GSAP: variants seen among roughly 807,000 people sequenced by gnomAD.
The protein encoded by GSAP is gamma-secretase-activating protein.
GSAP carries 118 observed loss-of-function variants against 131.7 expected under a neutral mutation model. The observed-to-expected ratio is 0.90, with a 90% CI of 0.77 to 1.04. The LOEUF (loss-of-function observed/expected upper bound fraction) is 1.04, where lower values mean the gene tolerates loss of function less well. Ranked by LOEUF, GSAP falls within the 50% of genes least tolerant of loss-of-function variation. GSAP has a pLI of 0.00. For synonymous variants in GSAP, 381 were observed against 363.4 expected (o/e 1.05, Z -0.55); for missense variants, 1,019 against 1,013.2 (o/e 1.01, Z -0.08).
At chr7:77,377,823 G>A (rs1239857582) in intron 8 of GSAP, among the ~76,000 whole-genome samples, 17 of 152,228 alleles carry the variant, frequency 1.1e-4, no homozygotes, top group Admixed American at 1.1e-3. Flanking sequence ...ACAGTGGAAA[G>A]TAGTAGGCAA....
rs1466065358 is a variant in GSAP, at chr7:77,381,250, ACTT to A, written c.576+52_576+54del. 31 of 894,398 alleles carry A rather than the reference ACTT, an allele frequency of 3.5e-5. No homozygotes were observed. The East Asian group carries it at 7.6e-4, about 22-fold the overall frequency. The allele number at this position is 894,398 out of a possible 1,614,324, so 55.4% of individuals were successfully genotyped here. On this transcript the variant is annotated intron_variant, in intron 8 of 30. Transcript: ENST00000257626. ...ATTATCTTTAGCAGTCTAGTAATGT[ACTT>A]CTTTGTGGGGAAAAAAAAACCTATG...
At chr7:77,368,808 G>A (rs1278468494) in intron 12 of GSAP, among the ~76,000 whole-genome samples, 5 of 152,306 alleles carry the variant, frequency 3.3e-5, no homozygotes, top group Admixed American at 2.0e-4. Context: ...GATTATTATT[G>A]TTAGATTGTT....
Position 77,312,097 on chromosome 7 carries a change from T to C in GSAP, c.2373+4A>G. The C allele has an allele frequency of 6.4e-7, 1 of 1,559,158 alleles. No individual in the cohort carries two copies. Among genetic ancestry groups the C allele is most frequent in the Non-Finnish European group, 8.8e-7 (1 of 1,141,102 alleles). On this transcript the variant is annotated splice_donor_region_variant and intron_variant, in intron 29 of 30. Coordinates refer to ENST00000257626, the MANE Select transcript of GSAP (RefSeq NM_017439.4). ...TAGTTGGCTGTGCTTTCAGAGAAAC[T>C]CACCTGTTTCTTATAGTTCTGAAGC...
intron 27 of GSAP, 135 bp from the exon 28 acceptor site, chr7:77,313,684 T>C (rs1794665631): frequency 2.0e-6 from 1 of 495,192 alleles, no homozygotes. Context: ...TCTAACAGCA[T>C]TTTGGAAATT....
At chr7:77,409,509 G>T (rs569887341) in intron 1 of GSAP, among the ~76,000 whole-genome samples, 1 of 152,084 alleles carries the variant, frequency 6.6e-6, no homozygotes, top group African/African-American at 2.4e-5. Flanking sequence ...CAGAACAATG[G>T]ACTGAGTGTT....
chr7:77,337,309 G>GT (rs1309238580), intron 19 of GSAP, among the ~76,000 whole-genome samples: 1 of 149,976 alleles, frequency 6.7e-6, no homozygotes, highest in East Asian at 2.0e-4. Context: ...GGTGGGGGGG[G>GT]GGTTACAGGC....
chr7:77,356,858 C>T (rs766265945), intron 14 of GSAP, among the ~76,000 whole-genome samples: 3 of 152,188 alleles, frequency 2.0e-5, no homozygotes, highest in Non-Finnish European at 4.4e-5. Context: ...AGAAGGCGTT[C>T]TGTGGAAAGG....
intron 18 of GSAP, chr7:77,351,273 T>C (rs1466629235): frequency 2.1e-6 from 2 of 952,186 alleles, no homozygotes; most frequent in Non-Finnish European, 2.5e-6. Flanking sequence ...AATAGCATTT[T>C]AAAAGAGGTA....
intron 19 of GSAP, among the ~76,000 whole-genome samples, chr7:77,332,490 G>A (rs535625276): frequency 3.9e-5 from 6 of 152,272 alleles, no homozygotes; most frequent in African/African-American, 1.2e-4. Context: ...CTCGCCACAT[G>A]TCAGTGGACA....
chr7:77,359,465 T>A (rs1213649628), intron 14 of GSAP, among the ~76,000 whole-genome samples: 2 of 152,150 alleles, frequency 1.3e-5, no homozygotes, highest in Admixed American at 1.3e-4. Flanking sequence ...TTTCAAAAAA[T>A]TATTCTTTAA....
At chr7:77,370,582 C>G (rs564532833) in intron 12 of GSAP, among the ~76,000 whole-genome samples, 3 of 152,232 alleles carry the variant, frequency 2.0e-5, no homozygotes, top group African/African-American at 4.8e-5. Context: ...GTTATCCTCT[C>G]TGCTATGTAT....
At chr7:77,392,050 C>T (rs776884654) in intron 5 of GSAP, among the ~76,000 whole-genome samples, 2 of 151,920 alleles carry the variant, frequency 1.3e-5, no homozygotes, top group Non-Finnish European at 2.9e-5. Context: ...CACGGGGAAA[C>T]CCCGTCTCTA....
chr7:77,354,852 A>G (rs1793418274), intron 16 of GSAP, among the ~76,000 whole-genome samples: 1 of 152,236 alleles, frequency 6.6e-6, no homozygotes, highest in South Asian at 2.1e-4. Flanking sequence ...AATGTAATAA[A>G]TATCTGCCAC....
intron 24 of GSAP, 31 bp downstream of exon 24, chr7:77,323,616 G>A (rs1162285155): frequency 9.6e-7 from 1 of 1,043,600 alleles, no homozygotes; most frequent in East Asian, 2.4e-5. Context: ...GGGTGAAGGG[G>A]CATATGAGGA....
intron 5 of GSAP, among the ~76,000 whole-genome samples, chr7:77,390,875 G>A (rs1799357368): frequency 6.9e-6 from 1 of 145,590 alleles, no homozygotes; most frequent in Admixed American, 7.1e-5. Flanking sequence ...CTTGAAACCA[G>A]GAGGCGGAAG....
intron 12 of GSAP, among the ~76,000 whole-genome samples, chr7:77,367,815 T>C (rs1386415188): frequency 1.3e-5 from 2 of 152,218 alleles, no homozygotes; most frequent in African/African-American, 4.8e-5. Context: ...AATTCAGTTG[T>C]GAATCCATCA....
chr7:77,416,074 G>A (rs960408249), intron 1 of GSAP, 139 bp downstream of exon 1: 2 of 510,322 alleles, frequency 3.9e-6, no homozygotes, highest in South Asian at 2.8e-5. Flanking sequence ...ACAGCCCTCT[G>A]AGGAGGGGAG....
At chr7:77,393,563 T>C (rs796299199) in intron 5 of GSAP, among the ~76,000 whole-genome samples, 1 of 152,162 alleles carries the variant, frequency 6.6e-6, no homozygotes, top group Middle Eastern at 3.4e-3. Flanking sequence ...CATGCCCTTC[T>C]ACCTGTTCTA....
chr7:77,341,797 A>C (rs1389694208), intron 19 of GSAP, among the ~76,000 whole-genome samples: 1 of 152,090 alleles, frequency 6.6e-6, no homozygotes, highest in East Asian at 1.9e-4. Context: ...CACCTTCAAG[A>C]TGTACAATAA....
Sources: allele counts gnomAD v4.1 joint callset (sites outside exome capture counted in the v4.1 genomes callset), GRCh38; gene constraint gnomAD v4.1.1; transcripts MANE v1.5; gene names NCBI Gene and HGNC (gene_info 2026-07-23, HGNC 2026-07-21).